Variants in LARGE1 observed in about 807,000 individuals in gnomAD.
LARGE1 encodes xylosyl- and glucuronyltransferase LARGE1.
A neutral mutation model predicts 87.6 loss-of-function variants in LARGE1; 43 were observed. That is an observed-to-expected ratio of 0.49 (90% CI 0.38 to 0.63). The LOEUF is 0.63. LARGE1 is among the 30% of genes least tolerant of loss of function. The probability of loss-of-function intolerance (pLI) is 0.00; values close to 1 mark genes in which losing one functional copy is unlikely to be tolerated. For missense variants in LARGE1, 802 were observed against 1,000.2 expected, an observed-to-expected ratio of 0.80 and a Z score of 2.67; for synonymous variants, 434 against 394.6, an observed-to-expected ratio of 1.10 and a Z score of -1.18.
At chr22:33,266,881 G>GT (rs1644902973) in intron 11 of LARGE1, among the ~76,000 whole-genome samples, 2 of 151,228 alleles carry the variant, frequency 1.3e-5, no homozygotes, top group Admixed American at 1.3e-4. Flanking sequence ...AAAAAAAAGA[G>GT]TTTGATTTGT....
In LARGE1 at chr22:33,348,283, C is replaced by A. The variant is rs1286622447; in HGVS notation, c.1132-10482G>T. Among the ~76,000 whole-genome samples the A allele has an allele frequency of 2.5e-4, 33 of 130,356 alleles. 1 individual carries two copies. Among genetic ancestry groups the A allele is most frequent in the African/African-American group, 8.3e-4 (29 of 34,860 alleles). The allele number at this position is 130,356 out of a possible 152,430, so 85.5% of individuals were successfully genotyped here. On this transcript the variant is annotated intron_variant, in intron 9 of 14. Transcript: ENST00000397394. The stretch of plus-strand genomic sequence containing the variant: ...CTCTGTCCCCGCTCCCCCACCCACC[C>A]CCCCCCAAAAAAAAAGTACTAGGCA...
At chr22:33,328,790 C>T (rs1371058546) in intron 10 of LARGE1, among the ~76,000 whole-genome samples, 1 of 151,874 alleles carries the variant, frequency 6.6e-6, no homozygotes, top group Non-Finnish European at 1.5e-5. Flanking sequence ...ATTTGGGAAG[C>T]ACTTCCTTGT....
At chr22:33,286,270 T>C (rs1333082289) in intron 12 of LARGE1, among the ~76,000 whole-genome samples, 4 of 152,228 alleles carry the variant, frequency 2.6e-5, no homozygotes, top group African/African-American at 9.7e-5. Flanking sequence ...CACTCTCTTT[T>C]GTATCAATCC....
downstream of LARGE1, among the ~76,000 whole-genome samples, chr22:33,158,434 T>C (rs1025400163): frequency 2.0e-5 from 3 of 152,134 alleles, no homozygotes; most frequent in Non-Finnish European, 4.4e-5. Context: ...GAAACCAACT[T>C]AGGTTGTTGG....
chr22:33,763,833 GTTTGCTT>G (rs2084810511), intron 1 of LARGE1, among the ~76,000 whole-genome samples: 2 of 117,588 alleles, frequency 1.7e-5, no homozygotes, highest in South Asian at 3.0e-4. Context: ...GCCTTAATTA[GTTTGCTT>G]TTTTTTTTTT....
intron 11 of LARGE1, among the ~76,000 whole-genome samples, chr22:33,202,982 T>C (rs1265774367): frequency 6.6e-6 from 1 of 152,068 alleles, no homozygotes; most frequent in East Asian, 1.9e-4. Flanking sequence ...GATAATAATA[T>C]AATAAGACTT....
chr22:33,534,221 G>T (rs955075337), intron 6 of LARGE1, among the ~76,000 whole-genome samples: 1 of 152,012 alleles, frequency 6.6e-6, no homozygotes, highest in African/African-American at 2.4e-5. Context: ...TGGCCAGCAC[G>T]GTGAAACCCT....
intron 9 of LARGE1, among the ~76,000 whole-genome samples, chr22:33,371,899 T>C (rs566192023): frequency 2.6e-5 from 4 of 151,612 alleles, no homozygotes; most frequent in African/African-American, 9.7e-5. Context: ...CAGGAGAATG[T>C]TGTGAATGTG....
chr22:33,245,555 T>C (rs1187664050), intron 11 of LARGE1, among the ~76,000 whole-genome samples: 1 of 152,176 alleles, frequency 6.6e-6, no homozygotes, highest in East Asian at 1.9e-4. Flanking sequence ...CCATGTTTCA[T>C]CTCCTTACAG....
intron 2 of LARGE1, among the ~76,000 whole-genome samples, chr22:33,651,071 A>T (rs1278859094): frequency 6.6e-6 from 1 of 151,656 alleles, no homozygotes; most frequent in Non-Finnish European, 1.5e-5. Context: ...GAGCAAGAGG[A>T]AGAGAACGAG....
intron 1 of LARGE1, among the ~76,000 whole-genome samples, chr22:33,762,234 AAAAAAAAG>A (rs2084759621): frequency 7.8e-6 from 1 of 128,018 alleles, no homozygotes; most frequent in Non-Finnish European, 1.7e-5. Context: ...AAAAAAAAAA[AAAAAAAAG>A]ACTAGACCAG....
chr22:33,199,525 A>T (rs1924262864), intron 11 of LARGE1, among the ~76,000 whole-genome samples: 1 of 152,116 alleles, frequency 6.6e-6, no homozygotes, highest in South Asian at 2.1e-4. Context: ...ATCTTGAGTT[A>T]ATTTTTGTAT....
intron 5 of LARGE1, among the ~76,000 whole-genome samples, chr22:33,588,788 G>A (rs1467974983): frequency 6.6e-6 from 1 of 152,160 alleles, no homozygotes; most frequent in Admixed American, 6.5e-5. Context: ...TACACTCTTA[G>A]TATAAAGGTG....
At chr22:33,594,098 G>T (rs59865515) in intron 5 of LARGE1, among the ~76,000 whole-genome samples, 12,946 of 152,226 alleles carry the variant, frequency 0.085, 679 homozygotes, top group African/African-American at 0.14. Context: ...AAGAAGGATT[G>T]TGTTTTAATC....
chr22:33,118,391 T>C, the LARGE1 span, among the ~76,000 whole-genome samples: 1 of 147,672 alleles, frequency 6.8e-6, no homozygotes, highest in African/African-American at 2.5e-5. Flanking sequence ...ACACAGGAGG[T>C]TGAGGTGGGA....
chr22:33,098,488 G>T, the LARGE1 span, among the ~76,000 whole-genome samples: 2 of 152,078 alleles, frequency 1.3e-5, no homozygotes, highest in African/African-American at 4.8e-5. Flanking sequence ...GGGTATGGTG[G>T]CGGGCGCCTG....
intron 11 of LARGE1, among the ~76,000 whole-genome samples, chr22:33,233,846 A>G (rs1926126624): frequency 6.6e-6 from 1 of 152,142 alleles, no homozygotes; most frequent in Non-Finnish European, 1.5e-5. Context: ...TGACTTGTAG[A>G]TAGTGTTTTC....
At chr22:33,626,833 G>C (rs1276921415) in intron 3 of LARGE1, among the ~76,000 whole-genome samples, 1 of 152,198 alleles carries the variant, frequency 6.6e-6, no homozygotes, top group African/African-American at 2.4e-5. Context: ...ACAGTTCAAA[G>C]AACGGAAGAC....
At chr22:33,338,219 G>A (rs1484404997) in intron 9 of LARGE1, among the ~76,000 whole-genome samples, 2 of 152,144 alleles carry the variant, frequency 1.3e-5, no homozygotes, top group East Asian at 3.9e-4. Context: ...GGGTCTGGAA[G>A]GGGAGAAAGG....
Sources: gnomAD v4.1 joint callset for allele counts (sites outside exome capture counted in the v4.1 genomes callset) on GRCh38, gnomAD v4.1.1 for gene constraint, MANE v1.5 for transcripts, NCBI Gene and HGNC (gene_info 2026-07-23, HGNC 2026-07-21) for gene names.